The following FBXO15 variants were observed in gnomAD, a reference collection of about 807,000 sequenced individuals.
FBXO15 encodes the protein F-box protein 15.
In FBXO15, 30 loss-of-function variants were observed where a neutral mutation model predicts 49.5. The observed-to-expected ratio is 0.61, with a 90% CI of 0.45 to 0.82. The LOEUF (loss-of-function observed/expected upper bound fraction) is 0.82. Among genes scored for constraint, FBXO15 ranks in the 40% least tolerant of loss-of-function variants. The pLI, the probability that FBXO15 is intolerant of heterozygous loss-of-function variation, is 0.00. For missense variants in FBXO15, 591 were observed against 631.5 expected (o/e 0.94, Z 0.69); for synonymous variants, 250 against 232.7 (o/e 1.07, Z -0.68).
At chr18:74,130,385 C>T (rs747958710) in intron 4 of FBXO15, 31 bp downstream of exon 4, 14 of 1,611,526 alleles carry the variant, frequency 8.7e-6, no homozygotes, top group Non-Finnish European at 1.0e-5. Flanking sequence ...TGAGCTGATG[C>T]CATCATTCTC....
intron 8 of FBXO15, among the ~76,000 whole-genome samples, chr18:74,118,485 CAGAG>C (rs138973983): frequency 1.1e-4 from 16 of 146,308 alleles, no homozygotes; most frequent in African/African-American, 3.2e-4. Context: ...ACATTATACA[CAGAG>C]AGAGAGAGAG....
intron 9 of FBXO15, among the ~76,000 whole-genome samples, chr18:74,079,960 G>A (rs776812334): frequency 3.9e-5 from 6 of 152,166 alleles, no homozygotes; most frequent in Non-Finnish European, 7.4e-5. Context: ...TTTGGGTGAC[G>A]TACTTTCTCA....
intron 2 of FBXO15, among the ~76,000 whole-genome samples, chr18:74,137,781 T>C (rs190001078): frequency 9.7e-4 from 147 of 152,232 alleles, no homozygotes; most frequent in Non-Finnish European, 1.4e-3. Flanking sequence ...GTTAAAGAAG[T>C]TCAGAATGTA....
In FBXO15 at chr18:74,084,775, C is replaced by T. The variant is rs747068477; in HGVS notation, c.1139-2724G>A. Reference sequence around the variant, plus strand: ...ACTCATAAAGACCTCATTCCAAACCCTGCTCAGCCATTTATTAACTGTATA... The same window carrying T: ...ACTCATAAAGACCTCATTCCAAACCTTGCTCAGCCATTTATTAACTGTATA... On this transcript the variant is annotated intron_variant, in intron 8 of 9. Coordinates refer to ENST00000419743, the MANE Select transcript of FBXO15 (RefSeq NM_001142958.2). Among the ~76,000 whole-genome samples, 138 of 152,250 alleles carry T rather than the reference C, an allele frequency of 9.1e-4. 1 individual carries two copies. The Middle Eastern group carries it at 0.01, about 11-fold the overall frequency.
chr18:74,108,552 T>A (rs1245103477), intron 8 of FBXO15, among the ~76,000 whole-genome samples: 4 of 141,954 alleles, frequency 2.8e-5, no homozygotes, highest in South Asian at 2.3e-4. Flanking sequence ...GAATATCCAA[T>A]AACTACAAGA....
intron 8 of FBXO15, among the ~76,000 whole-genome samples, chr18:74,085,121 G>C (rs1305553880): frequency 6.6e-6 from 1 of 151,850 alleles, no homozygotes; most frequent in African/African-American, 2.4e-5. Context: ...AGGTACTTCA[G>C]AAAATGGTTT....
chr18:74,126,932 G>A (rs921689261), intron 5 of FBXO15, among the ~76,000 whole-genome samples: 4 of 152,176 alleles, frequency 2.6e-5, no homozygotes, highest in East Asian at 1.9e-4. Flanking sequence ...AAGGAGAGAC[G>A]GTCGGTGAAC....
chr18:74,086,534 C>G (rs1383154635), intron 8 of FBXO15, among the ~76,000 whole-genome samples: 1 of 152,130 alleles, frequency 6.6e-6, no homozygotes, highest in South Asian at 2.1e-4. Flanking sequence ...GTTCAGCCCC[C>G]CAAGTAGCTG....
At chr18:74,136,826 C>T (rs1978754012) in intron 2 of FBXO15, among the ~76,000 whole-genome samples, 1 of 152,134 alleles carries the variant, frequency 6.6e-6, no homozygotes, top group African/African-American at 2.4e-5. Flanking sequence ...ACAGAGCTAC[C>T]ACAGATTGTA....
chr18:74,124,363 GT>G, intron 7 of FBXO15, 125 bp downstream of exon 7: 1 of 727,768 alleles, frequency 1.4e-6, no homozygotes, highest in South Asian at 1.9e-5. Flanking sequence ...GTGCCTGTTG[GT>G]TTGTGTTTAC....
At chr18:74,105,609 G>A (rs1330140561) in intron 8 of FBXO15, among the ~76,000 whole-genome samples, 1 of 148,712 alleles carries the variant, frequency 6.7e-6, no homozygotes, top group Non-Finnish European at 1.5e-5. Context: ...CCAGCTTATG[G>A]TTTTTTTTTT....
At chr18:74,094,384 G>A (rs1913188576) in intron 8 of FBXO15, among the ~76,000 whole-genome samples, 2 of 152,062 alleles carry the variant, frequency 1.3e-5, no homozygotes, top group African/African-American at 4.8e-5. Context: ...GCCATATGAT[G>A]TGCCTACTCC....
At chr18:74,140,092 T>C (rs1978971875) in intron 2 of FBXO15, 110 bp downstream of exon 2, 5 of 825,702 alleles carry the variant, frequency 6.1e-6, no homozygotes, top group Admixed American at 5.5e-5. Context: ...TACACAATCC[T>C]ATTCTTAGCA....
intron 8 of FBXO15, among the ~76,000 whole-genome samples, chr18:74,113,848 A>G (rs1419924974): frequency 6.6e-6 from 1 of 152,190 alleles, no homozygotes; most frequent in Non-Finnish European, 1.5e-5. Flanking sequence ...GGCAAGCTCT[A>G]TTTACACTTC....
intron 3 of FBXO15, among the ~76,000 whole-genome samples, chr18:74,132,473 A>C (rs1003535377): frequency 3.4e-4 from 52 of 152,364 alleles, no homozygotes; most frequent in Middle Eastern, 3.4e-3. Flanking sequence ...ACATGCAGTG[A>C]GTAACCATAA....
intron 1 of FBXO15, among the ~76,000 whole-genome samples, chr18:74,141,032 C>T (rs1354811803): frequency 6.6e-6 from 1 of 152,190 alleles, no homozygotes; most frequent in Non-Finnish European, 1.5e-5. Context: ...TTTAACCTCT[C>T]CCATTCAATG....
chr18:74,140,593 G>C (rs1979013846), intron 1 of FBXO15: 1 of 343,426 alleles, frequency 2.9e-6, no homozygotes, highest in Admixed American at 4.9e-5. Flanking sequence ...AAGGAAGGAA[G>C]AAAGGCAGGG....
intron 9 of FBXO15, among the ~76,000 whole-genome samples, 178 bp from the exon 10 acceptor site, chr18:74,073,908 G>A (rs1175155285): frequency 2.0e-5 from 3 of 152,132 alleles, no homozygotes; most frequent in African/African-American, 7.2e-5. Flanking sequence ...GCTTTTGTGT[G>A]TCTCATCACT....
intron 8 of FBXO15, among the ~76,000 whole-genome samples, chr18:74,096,710 G>A (rs1009254701): frequency 2.0e-5 from 3 of 151,400 alleles, no homozygotes; most frequent in African/African-American, 4.8e-5. Context: ...ACAAGATGGC[G>A]ATATGTGAGC....
Sources: allele counts gnomAD v4.1 joint callset (sites outside exome capture counted in the v4.1 genomes callset), GRCh38; gene constraint gnomAD v4.1.1; transcripts MANE v1.5; gene names NCBI Gene and HGNC (gene_info 2026-07-23, HGNC 2026-07-21).